The following CCDC187 variants were observed in gnomAD, a reference collection of about 807,000 sequenced individuals.
CCDC187 encodes coiled-coil domain-containing protein 187.
In CCDC187, 32 loss-of-function variants were observed where a neutral mutation model predicts 38.0. The ratio of observed to expected loss-of-function variants is 0.84; its 90% CI spans 0.64 to 1.13. The LOEUF (loss-of-function observed/expected upper bound fraction) is 1.13. Among genes scored for constraint, CCDC187 ranks in the 50% most tolerant of loss-of-function variants. The pLI, the probability that CCDC187 is intolerant of heterozygous loss-of-function variation, is 0.00. For missense variants in CCDC187, 707 were observed against 786.8 expected (o/e 0.90, Z 1.21); for synonymous variants, 333 against 347.9 (o/e 0.96, Z 0.48).
Position 136,258,806 on chromosome 9 carries a change from A to G in CCDC187, c.4366+126T>C. On this transcript the variant is annotated intron_variant, in intron 22 of 25. Coordinates refer to ENST00000638797, the MANE Select transcript of CCDC187 (RefSeq NM_001378188.1). This position sits in a 1 kb window ranked among gnomAD's most constrained non-coding sequence, Gnocchi z 4.3. ...TCTGAGGCCAGGGTGGGGGGCCACC[A>G]GGGCCCATCTTCTTTGCTTTCCGTC... 1.7e-5 allele frequency: 17 copies of G among 985,418 alleles called. No individual in the cohort carries two copies. Among genetic ancestry groups the G allele is most frequent in the Non-Finnish European group, 2.0e-5 (17 of 829,914 alleles). 61.0% of individuals were successfully genotyped at this position (985,418 alleles called of 1,614,324 possible).
intron 2 of CCDC187, among the ~76,000 whole-genome samples, chr9:136,300,809 C>A (rs1338439059): frequency 2.0e-5 from 3 of 152,218 alleles, no homozygotes; most frequent in African/African-American, 7.2e-5. Context: ...CCATGTTGGC[C>A]AGGCTAGTCT....
chr9:136,268,821 G>A (rs1554762004), intron 14 of CCDC187, among the ~76,000 whole-genome samples: 2 of 152,180 alleles, frequency 1.3e-5, no homozygotes, highest in African/African-American at 4.8e-5. Context: ...TGATCCCTGA[G>A]AGACAGAAAA....
chr9:136,304,058 C>G lies in CCDC187; in HGVS notation c.-228G>C, dbSNP rs1352144612. On this transcript the variant is annotated 5_prime_UTR_variant, in exon 1 of 26. Coordinates refer to ENST00000638797, the MANE Select transcript of CCDC187 (RefSeq NM_001378188.1). ...AACTGGGCTGGCACGGTGGGCAGCC[C>G]GGCCCTGGGCTGGCCACAGCTGGGG... 6.6e-6 allele frequency: 1 copy of G among 152,220 alleles called. No homozygotes were observed. The allele number at this position is 152,220 out of a possible 1,614,324, so 9.4% of individuals were successfully genotyped here.
At chr9:136,292,926 C>T (rs1183666654) in intron 4 of CCDC187, among the ~76,000 whole-genome samples, 1 of 152,230 alleles carries the variant, frequency 6.6e-6, no homozygotes, top group African/African-American at 2.4e-5. Flanking sequence ...AGCCTTCGCA[C>T]GCAAATGGCA....
In CCDC187 at chr9:136,254,850, C is replaced by CA. The variant is rs138601393; in HGVS notation, c.4977_4978insT (p.Glu1660Ter). On this transcript the variant is annotated frameshift_variant, in exon 26 of 26. Coordinates refer to ENST00000638797, the MANE Select transcript of CCDC187 (RefSeq NM_001378188.1). LOFTEE classifies it low-confidence loss of function (END_TRUNC). ...AGCTCTCCAGGCCAGCTGAAACCTT[C>CA]GTCTGGGGAGTCTTCAGCTTCCAAG... 2,198 of 985,462 alleles carry CA rather than the reference C, an allele frequency of 2.2e-3. 44 individuals carry two copies. The African/African-American group carries it at 0.036, about 16-fold the overall frequency. 61.0% of individuals were successfully genotyped at this position (985,462 alleles called of 1,614,324 possible).
At chr9:136,280,559 G>T (rs1045198343) in intron 10 of CCDC187, among the ~76,000 whole-genome samples, 1 of 152,200 alleles carries the variant, frequency 6.6e-6, no homozygotes, top group Non-Finnish European at 1.5e-5. Flanking sequence ...GGTCCACAGA[G>T]AACAGCTTCC....
chr9:136,292,324 G>A (rs966270478), intron 4 of CCDC187, 29 bp from the exon 5 acceptor site: 13 of 398,634 alleles, frequency 3.3e-5, no homozygotes, highest in Non-Finnish European at 5.3e-5. Flanking sequence ...ACACACAGCC[G>A]GGCGCCCCAT....
chr9:136,257,521 G>C lies in CCDC187; in HGVS notation c.4367-680C>G, dbSNP rs1554760455. Among the ~76,000 whole-genome samples, 2 of 152,134 alleles carry C rather than the reference G, an allele frequency of 1.3e-5. No individual in the cohort carries two copies. The highest frequency in any genetic ancestry group is 2.4e-5 in the African/African-American group (1 of 41,414). On this transcript the variant is annotated intron_variant, in intron 22 of 25. Coordinates refer to ENST00000638797, the MANE Select transcript of CCDC187 (RefSeq NM_001378188.1). The surrounding 1 kb of genome is among the most constrained non-coding windows in gnomAD (Gnocchi z 4.5). ...GGCAGGGGTGGTGCAGAGGGCCGGT[G>C]GGGGGCAGGCCTCGGACACAGCAAG...
At chr9:136,255,818 G>T in intron 24 of CCDC187, 85 bp from the exon 25 acceptor site, 1 of 656,426 alleles carries the variant, frequency 1.5e-6, no homozygotes, top group Non-Finnish European at 1.9e-6. Context: ...GACCCCACCA[G>T]GCTCAGTCCA....
rs1045753759 is a variant in CCDC187, at chr9:136,290,522, G to A, written c.2091C>T (p.Gly697=). ...CAGAACTGGGGACAAAGGTCACGAT[G>A]CCAGGGGTGGTCCGGGAGACCACGG... is the stretch of plus-strand genomic sequence containing the variant. ...AVPVVSRTTP[G]IVTFVPSSAQ... is the part of the protein sequence containing the mutation. Residue 697 remains glycine, a synonymous_variant, in exon 6 of 26, where the codon GGC becomes GGT. Coordinates refer to ENST00000638797, the MANE Select transcript of CCDC187 (RefSeq NM_001378188.1). 31 of 398,672 alleles carry A rather than the reference G, an allele frequency of 7.8e-5. No homozygotes were observed. Among genetic ancestry groups the A allele is most frequent in the African/African-American group, 5.3e-4 (26 of 48,752 alleles). 24.7% of individuals were successfully genotyped at this position (398,672 alleles called of 1,614,324 possible). A position where few individuals can be genotyped will look rare whatever the true frequency, so the allele number is the denominator to read the frequency against.
rs527856743 is a variant in CCDC187 at position 136,270,076 on chromosome 9, AAG to A, written c.3443-1953_3443-1952del. Among the ~76,000 whole-genome samples, 23 of 152,350 alleles carry A rather than the reference AAG, an allele frequency of 1.5e-4. No homozygotes were observed. The East Asian group carries it at 4.2e-3, about 28-fold the overall frequency. ...GAAGAAAAAAGAATAAAAGAATACA[AAG>A]AGCTTCAGTAAGCTCACAACTTCAA... On this transcript the variant is annotated intron_variant, in intron 14 of 25. Transcript: ENST00000638797.
At chr9:136,278,217 G>C (rs1218289109) in intron 10 of CCDC187, among the ~76,000 whole-genome samples, 1 of 152,256 alleles carries the variant, frequency 6.6e-6, no homozygotes, top group Non-Finnish European at 1.5e-5. Context: ...TGAAGCCAGA[G>C]AAGGGTCCCC....
rs1201329882 is a variant in CCDC187 at position 136,260,100 on chromosome 9, C to T, written c.4210+19G>A. ...GAGCATCCGTCTGACCCTGGGCGGT[C>T]GCCGCGGCTGCTCATTACCTTGACT... On this transcript the variant is annotated intron_variant, in intron 20 of 25. Coordinates refer to ENST00000638797, the MANE Select transcript of CCDC187 (RefSeq NM_001378188.1). The T allele has an allele frequency of 1.3e-5, 13 of 985,422 alleles. No individual in the cohort carries two copies. The East Asian group carries it at 4.5e-4, about 34-fold the overall frequency. 61.0% of individuals were successfully genotyped at this position (985,422 alleles called of 1,614,324 possible).
At chr9:136,288,163 C>T (rs902506427) in intron 7 of CCDC187, among the ~76,000 whole-genome samples, 23 of 152,122 alleles carry the variant, frequency 1.5e-4, no homozygotes, top group South Asian at 6.2e-4. Context: ...GGTGGCATGG[C>T]GGGGCCAGCA....
intron 8 of CCDC187, 41 bp downstream of exon 8, chr9:136,286,044 C>T: frequency 2.0e-5 from 8 of 398,118 alleles, no homozygotes; most frequent in Non-Finnish European, 3.1e-5. Context: ...ACAGGACCCC[C>T]TGGCCACCCA....
At position 136,253,982 on chromosome 9, in the gene CCDC187, C is replaced by G. The variant is rs1313168744; in HGVS notation, c.5846G>C (p.Gly1949Ala). 2 of 909,872 alleles carry G rather than the reference C, an allele frequency of 2.2e-6. No individual in the cohort carries two copies. Among genetic ancestry groups the G allele is most frequent in the East Asian group, 1.1e-4 (1 of 8,792 alleles). The allele number at this position is 909,872 out of a possible 1,614,324, so 56.4% of individuals were successfully genotyped here. ...CTCAGCTACTGGAGGTGCCAGCCTG[C>G]CTGGGTCCCCAGGAGGAGCCTGCAG... ...VTLQAPPGDP[G>A]RLAPPVAESR... Residue 1949 changes from glycine (G) to alanine (A), a missense_variant, in exon 26 of 26, where the codon GGC (glycine) becomes GCC (alanine). Transcript: ENST00000638797.
Position 136,265,942 on chromosome 9 carries a change from T to C in CCDC187, c.3735+14A>G. On this transcript the variant is annotated intron_variant, in intron 17 of 25. Transcript: ENST00000638797. The stretch of plus-strand genomic sequence containing the variant: ...GCCGCCCACCCTGACCCACCAGGCC[T>C]GTGCTGGCCCCACCTGCTCCTTCTC... 1.0e-6 allele frequency: 1 copy of C among 985,086 alleles called. No individual in the cohort carries two copies. Among genetic ancestry groups the C allele is most frequent in the Non-Finnish European group, 1.2e-6 (1 of 829,592 alleles). The allele number at this position is 985,086 out of a possible 1,614,324, so 61.0% of individuals were successfully genotyped here.
rs1478876946 is a variant in CCDC187 at position 136,263,633 on chromosome 9, T to C, written c.3901A>G (p.Lys1301Glu). Residue 1301 changes from lysine to glutamate, a missense_variant, in exon 18 of 26, where the codon AAG (lysine) becomes GAG (glutamate). Physicochemically the swap from Lys to Glu is moderately conservative, Grantham distance 56. Transcript: ENST00000638797. ...VPAHELQAQAKLQQGSSPKVK... is the reference protein window; with the variant it reads ...VPAHELQAQAELQQGSSPKVK... ...GCGAGAGCACCCACCTGCTGCAGCT[T>C]GGCCTGGGCCTGCAGCTCGTGCGCT... 2 of 985,440 alleles carry C rather than the reference T, an allele frequency of 2.0e-6. No homozygotes were observed. The highest frequency in any genetic ancestry group is 2.3e-4 in the East Asian group (2 of 8,804). The allele number at this position is 985,440 out of a possible 1,614,324, so 61.0% of individuals were successfully genotyped here.
chr9:136,292,777 G>A (rs879154435), intron 4 of CCDC187, among the ~76,000 whole-genome samples: 20,037 of 152,246 alleles, frequency 0.13, 1,733 homozygotes, highest in Middle Eastern at 0.28. Flanking sequence ...CGTGTGCCGA[G>A]CCACAGGAGA....
Sources: allele counts gnomAD v4.1 joint callset (sites outside exome capture counted in the v4.1 genomes callset), GRCh38; gene constraint gnomAD v4.1.1; non-coding constraint Gnocchi (gnomAD v3.1); transcripts MANE v1.5; gene names NCBI Gene and HGNC (gene_info 2026-07-23, HGNC 2026-07-21).